Variants in PDE1C observed in about 807,000 individuals in gnomAD.
The protein encoded by PDE1C is phosphodiesterase 1C.
A neutral mutation model predicts 93.1 loss-of-function variants in PDE1C; 62 were observed. The ratio of observed to expected loss-of-function variants is 0.67; its 90% CI spans 0.54 to 0.82. The LOEUF is 0.82. Ranked by LOEUF, PDE1C falls within the 40% of genes least tolerant of loss-of-function variation. The probability of loss-of-function intolerance (pLI) is 0.00; values close to 1 mark genes in which losing one functional copy is unlikely to be tolerated. For synonymous variants in PDE1C, 325 were observed against 310.1 expected, an observed-to-expected ratio of 1.05 and a Z score of -0.50; for missense variants, 742 against 884.6, an observed-to-expected ratio of 0.84 and a Z score of 2.04.
At chr7:32,362,589 C>A (rs973581831) in intron 1 of PDE1C, among the ~76,000 whole-genome samples, 1 of 152,170 alleles carries the variant, frequency 6.6e-6, no homozygotes, top group African/African-American at 2.4e-5. Context: ...CACAGCCACA[C>A]AGATGTCCAC....
the PDE1C span, among the ~76,000 whole-genome samples, chr7:31,637,581 GTTGT>G: frequency 6.1e-3 from 930 of 152,258 alleles, 13 homozygotes; most frequent in African/African-American, 0.021. Flanking sequence ...TTTTGATGGG[GTTGT>G]TTGTTTTTTC....
intron 2 of PDE1C, among the ~76,000 whole-genome samples, chr7:31,926,975 C>T (rs1368940001): frequency 6.6e-6 from 1 of 152,146 alleles, no homozygotes; most frequent in African/African-American, 2.4e-5. Flanking sequence ...GTTCACTCCC[C>T]TGGAAAGGGG....
At chr7:32,304,717 G>GT (rs1562664392) in intron 1 of PDE1C, among the ~76,000 whole-genome samples, 1 of 152,046 alleles carries the variant, frequency 6.6e-6, no homozygotes, top group Non-Finnish European at 1.5e-5. Context: ...CTGAGTCTTA[G>GT]TTTTTTCTTT....
intron 2 of PDE1C, among the ~76,000 whole-genome samples, chr7:31,901,663 A>G (rs1799996344): frequency 6.6e-6 from 1 of 151,310 alleles, no homozygotes; most frequent in Non-Finnish European, 1.5e-5. Flanking sequence ...TAATTTCTAA[A>G]CAAAAAGGAA....
At position 31,766,030 on chromosome 7, in the gene PDE1C, T is replaced by G. The variant is rs567254712; in HGVS notation, c.1960+9634A>C. ...GGGTTATTGTGAGGATTCAATGACA[T>G]AATACATGTTAAGGACCTAATGTTG... On this transcript the variant is annotated intron_variant, in intron 17 of 17. Transcript: ENST00000396191. Among the ~76,000 whole-genome samples the G allele has an allele frequency of 4.6e-5, 7 of 151,250 alleles. No homozygotes were observed. The South Asian group carries it at 1.5e-3, about 31-fold the overall frequency.
At chr7:31,706,961 G>A in the PDE1C span, among the ~76,000 whole-genome samples, 1 of 152,160 alleles carries the variant, frequency 6.6e-6, no homozygotes, top group Admixed American at 6.5e-5. Context: ...GAGGATGAAG[G>A]TTGCCTCTGA....
At chr7:32,053,475 A>T (rs1793654659) in intron 1 of PDE1C, among the ~76,000 whole-genome samples, 1 of 152,248 alleles carries the variant, frequency 6.6e-6, no homozygotes, top group Non-Finnish European at 1.5e-5. Flanking sequence ...TCATTAGCAC[A>T]GCAGTCTAAC....
chr7:32,167,568 G>A (rs1255426693), intron 3 of PDE1C, among the ~76,000 whole-genome samples: 5 of 152,120 alleles, frequency 3.3e-5, no homozygotes, highest in Admixed American at 6.6e-5. Flanking sequence ...GGCATAACAG[G>A]ATAAGCGATG....
intron 9 of PDE1C, among the ~76,000 whole-genome samples, chr7:31,845,658 AAATAT>A (rs1251028295): frequency 6.6e-6 from 1 of 152,010 alleles, no homozygotes; most frequent in East Asian, 1.9e-4. Context: ...CCAGAACTTA[AAATAT>A]AATAAAAAAA....
intron 1 of PDE1C, among the ~76,000 whole-genome samples, chr7:32,209,927 C>T (rs1442530901): frequency 6.6e-6 from 1 of 152,148 alleles, no homozygotes; most frequent in Non-Finnish European, 1.5e-5. Context: ...TGCAAATGCA[C>T]CCCAAGCATC....
chr7:31,914,449 A>T (rs1801631696), intron 2 of PDE1C, among the ~76,000 whole-genome samples: 3 of 152,184 alleles, frequency 2.0e-5, no homozygotes, highest in African/African-American at 7.2e-5. Flanking sequence ...TCTCTTTGTT[A>T]ATTAAATATG....
At chr7:31,987,661 C>G (rs1434751599) in intron 2 of PDE1C, among the ~76,000 whole-genome samples, 1 of 152,180 alleles carries the variant, frequency 6.6e-6, no homozygotes, top group East Asian at 1.9e-4. Flanking sequence ...TTTAGCATCA[C>G]TATGTGTTTT....
At chr7:31,969,373 C>G (rs1409854852) in intron 2 of PDE1C, among the ~76,000 whole-genome samples, 1 of 151,960 alleles carries the variant, frequency 6.6e-6, no homozygotes, top group Non-Finnish European at 1.5e-5. Flanking sequence ...TTTATGTGGC[C>G]AAAAAACACA....
chr7:31,770,390 T>C (rs1167551213), intron 17 of PDE1C, among the ~76,000 whole-genome samples: 1 of 152,250 alleles, frequency 6.6e-6, no homozygotes, highest in Non-Finnish European at 1.5e-5. Context: ...CAAAAGTTTT[T>C]TATTTTAATG....
intron 1 of PDE1C, among the ~76,000 whole-genome samples, chr7:32,330,911 C>T (rs1488203889): frequency 6.6e-6 from 1 of 152,210 alleles, no homozygotes; most frequent in Non-Finnish European, 1.5e-5. Flanking sequence ...CATCGGTCCC[C>T]TGGGAAGATT....
intron 11 of PDE1C, among the ~76,000 whole-genome samples, chr7:31,831,638 G>T (rs1790424679): frequency 1.3e-5 from 2 of 151,924 alleles, no homozygotes; most frequent in Admixed American, 1.3e-4. Flanking sequence ...GGTCTGAAAA[G>T]AACACATTTC....
intron 4 of PDE1C, 101 bp from the exon 5 acceptor site, chr7:31,878,137 T>A (rs777993559): frequency 4.4e-4 from 336 of 760,716 alleles, no homozygotes; most frequent in Non-Finnish European, 7.2e-4. Flanking sequence ...AGAAGTCAAG[T>A]GGGGTGATCC....
intron 6 of PDE1C, among the ~76,000 whole-genome samples, chr7:31,872,239 G>A (rs955943428): frequency 4.6e-5 from 7 of 152,158 alleles, no homozygotes; most frequent in Admixed American, 3.9e-4. Context: ...GGGGTATAGG[G>A]GGTTGGTGAT....
At chr7:31,617,152 A>G in the PDE1C span, among the ~76,000 whole-genome samples, 1 of 152,152 alleles carries the variant, frequency 6.6e-6, no homozygotes, top group Non-Finnish European at 1.5e-5. Flanking sequence ...TTTTTGAAGC[A>G]TTTGCCATCT....
Sources: allele counts gnomAD v4.1 joint callset (sites outside exome capture counted in the v4.1 genomes callset), GRCh38; gene constraint gnomAD v4.1.1; transcripts MANE v1.5; gene names NCBI Gene and HGNC (gene_info 2026-07-23, HGNC 2026-07-21).